The following VPS13B variants were observed in gnomAD, a reference collection of about 807,000 sequenced individuals.
The protein encoded by VPS13B is vacuolar protein sorting 13 homolog B.
Under a neutral mutation model 426.4 loss-of-function variants are expected in VPS13B, and 285 were observed. The observed-to-expected ratio is 0.67, with a 90% CI of 0.61 to 0.74. The LOEUF (loss-of-function observed/expected upper bound fraction) is 0.74. Ranked by LOEUF, VPS13B falls within the 30% of genes least tolerant of loss-of-function variation. The pLI is 0.00. For synonymous variants in VPS13B, 1,676 were observed against 1,676.4 expected (o/e 1.00, Z 0.01); for missense variants, 4,537 against 4,782.6 (o/e 0.95, Z 1.51).
At chr8:99,406,478 C>T (rs1370929815) in intron 21 of VPS13B, among the ~76,000 whole-genome samples, 1 of 152,118 alleles carries the variant, frequency 6.6e-6, no homozygotes, top group Non-Finnish European at 1.5e-5. Flanking sequence ...CTTTTCATAT[C>T]TGTTCTGGTT....
rs536975815 is a variant in VPS13B, at chr8:99,849,721, G to T, written c.10061+827G>T. Among the ~76,000 whole-genome samples the T allele has an allele frequency of 1.2e-4, 18 of 152,170 alleles. No individual in the cohort carries two copies. The South Asian group carries it at 3.5e-3, about 30-fold the overall frequency. Reference sequence around the variant, plus strand: ...AGATATCACACAGTTAATTACAATGGCAAAATATTCAAAGTAAAAATGCCC... The same window carrying T: ...AGATATCACACAGTTAATTACAATGTCAAAATATTCAAAGTAAAAATGCCC... On this transcript the variant is annotated intron_variant, in intron 55 of 61. Transcript: ENST00000357162.
At chr8:99,286,977 G>C (rs1464079587) in intron 19 of VPS13B, among the ~76,000 whole-genome samples, 2 of 152,094 alleles carry the variant, frequency 1.3e-5, no homozygotes, top group African/African-American at 4.8e-5. Context: ...TTCAAATATT[G>C]CCGTACTAGG....
At chr8:99,370,292 A>T (rs1813104817) in intron 19 of VPS13B, among the ~76,000 whole-genome samples, 1 of 152,180 alleles carries the variant, frequency 6.6e-6, no homozygotes, top group Admixed American at 6.5e-5. Flanking sequence ...AAAGAATGGG[A>T]AAACCTAATT....
intron 33 of VPS13B, among the ~76,000 whole-genome samples, chr8:99,581,993 G>T (rs2133820299): frequency 6.6e-6 from 1 of 151,898 alleles, no homozygotes; most frequent in East Asian, 1.9e-4. Flanking sequence ...TTTACATGAG[G>T]TGAGAGTCAA....
At chr8:99,782,106 A>G (rs1340665640) in intron 42 of VPS13B, among the ~76,000 whole-genome samples, 1 of 152,180 alleles carries the variant, frequency 6.6e-6, no homozygotes, top group Admixed American at 6.6e-5. Flanking sequence ...CAAAATGTTA[A>G]TAGTAGTTAT....
At chr8:99,562,079 CTTTT>C (rs1824951298) in intron 31 of VPS13B, among the ~76,000 whole-genome samples, 1 of 152,104 alleles carries the variant, frequency 6.6e-6, no homozygotes, top group Non-Finnish European at 1.5e-5. Context: ...CTAATACTCA[CTTTT>C]CTTTCTTTCT....
At chr8:99,834,538 TA>T (rs1426982552) in intron 52 of VPS13B, among the ~76,000 whole-genome samples, 3 of 133,934 alleles carry the variant, frequency 2.2e-5, no homozygotes, top group Non-Finnish European at 3.4e-5. Flanking sequence ...CTCTTATTTT[TA>T]TTTTTTATTT....
At chr8:99,428,400 C>T (rs1288804887) in intron 21 of VPS13B, among the ~76,000 whole-genome samples, 1 of 152,002 alleles carries the variant, frequency 6.6e-6, no homozygotes. Flanking sequence ...TGACAAAGGG[C>T]TAATATCCAG....
intron 36 of VPS13B, among the ~76,000 whole-genome samples, chr8:99,709,466 T>C (rs955400309): frequency 6.6e-6 from 1 of 152,210 alleles, no homozygotes; most frequent in Non-Finnish European, 1.5e-5. Flanking sequence ...TTCCTTGAAG[T>C]AAATTTTTAT....
chr8:99,013,981 T>G (rs756536738), intron 2 of VPS13B, 46 bp downstream of exon 2: 1 of 1,613,738 alleles, frequency 6.2e-7, no homozygotes, highest in South Asian at 1.1e-5. Flanking sequence ...TTCAGCTTGT[T>G]TAGACGGTAA....
chr8:99,245,583 C>CA lies in VPS13B; in HGVS notation c.2516-28614dup, dbSNP rs540320220. ...AATAATTCTTATTTATTTATCAAGA[C>CA]AGAGTCTTGCTCTGTCGCCCAGGCT... is the stretch of plus-strand genomic sequence containing the variant. On this transcript the variant is annotated intron_variant, in intron 17 of 61. Coordinates refer to ENST00000357162, the MANE Select transcript of VPS13B (RefSeq NM_152564.5). Among the ~76,000 whole-genome samples the CA allele has an allele frequency of 3.8e-3, 578 of 152,314 alleles. 4 individuals are homozygous for CA. The highest frequency in any genetic ancestry group is 7.0e-3 in the Non-Finnish European group (479 of 68,030).
intron 2 of VPS13B, among the ~76,000 whole-genome samples, chr8:99,024,783 A>G (rs1211316605): frequency 1.3e-5 from 2 of 151,810 alleles, no homozygotes; most frequent in African/African-American, 4.9e-5. Flanking sequence ...GGTTATTCAG[A>G]GTCTAGTAGC....
intron 40 of VPS13B, 77 bp downstream of exon 40, chr8:99,767,047 C>G: frequency 7.2e-7 from 1 of 1,396,228 alleles, no homozygotes; most frequent in South Asian, 1.2e-5. Flanking sequence ...CTAGTGACCC[C>G]TCACTTAACT....
chr8:99,685,830 A>G (rs1448783513), intron 35 of VPS13B, among the ~76,000 whole-genome samples: 5 of 152,102 alleles, frequency 3.3e-5, no homozygotes, highest in African/African-American at 1.2e-4. Context: ...ACATATCTCT[A>G]TCTCTCCAGG....
chr8:99,599,042 T>G (rs1462132883), intron 33 of VPS13B, among the ~76,000 whole-genome samples: 1 of 152,054 alleles, frequency 6.6e-6, no homozygotes, highest in Non-Finnish European at 1.5e-5. Flanking sequence ...CCATTATTTA[T>G]TGTATTTGAC....
At chr8:99,609,755 A>T (rs1827762990) in intron 33 of VPS13B, among the ~76,000 whole-genome samples, 1 of 152,212 alleles carries the variant, frequency 6.6e-6, no homozygotes, top group Admixed American at 6.5e-5. Flanking sequence ...CATTAAGAAC[A>T]TCCTTAAATG....
At chr8:99,233,114 C>T (rs61747540) in intron 17 of VPS13B, 1 of 1,358,736 alleles carries the variant, frequency 7.4e-7, no homozygotes, top group African/African-American at 1.4e-5. Context: ...ACCTCTTGTA[C>T]AGTTTCCCTG....
intron 17 of VPS13B, among the ~76,000 whole-genome samples, chr8:99,223,101 T>G (rs1815821133): frequency 6.6e-6 from 1 of 152,218 alleles, no homozygotes; most frequent in African/African-American, 2.4e-5. Context: ...GTGCTGGGAT[T>G]ACAGGTGTGA....
chr8:99,502,240 G>A (rs573382637), intron 26 of VPS13B, among the ~76,000 whole-genome samples: 89 of 152,126 alleles, frequency 5.9e-4, no homozygotes, highest in African/African-American at 2.1e-3. Flanking sequence ...CACGTTGGCC[G>A]CCCAAAGTGT....
Sources: allele counts gnomAD v4.1 joint callset (sites outside exome capture counted in the v4.1 genomes callset), GRCh38; gene constraint gnomAD v4.1.1; transcripts MANE v1.5; gene names NCBI Gene and HGNC (gene_info 2026-07-23, HGNC 2026-07-21).